Variants in RGS6 observed in about 807,000 individuals in gnomAD.
The protein encoded by RGS6 is regulator of G protein signaling 6.
A neutral mutation model predicts 78.5 loss-of-function variants in RGS6; 30 were observed. The ratio of observed to expected loss-of-function variants is 0.38; its 90% CI spans 0.29 to 0.52. The LOEUF (loss-of-function observed/expected upper bound fraction) is 0.52. Among genes scored for constraint, RGS6 ranks in the 20% least tolerant of loss-of-function variants. The probability of loss-of-function intolerance (pLI) is 0.85; values close to 1 mark genes in which losing one functional copy is unlikely to be tolerated. For missense variants in RGS6, 495 were observed against 609.7 expected, an observed-to-expected ratio of 0.81 and a Z score of 1.98; for synonymous variants, 206 against 206.0, an observed-to-expected ratio of 1.00 and a Z score of 0.00.
intron 2 of RGS6, among the ~76,000 whole-genome samples, chr14:72,090,497 G>A (rs2095231942): frequency 6.6e-6 from 1 of 152,166 alleles, no homozygotes; most frequent in Non-Finnish European, 1.5e-5. Flanking sequence ...CTGGTGGTCT[G>A]TCCCTGTCTC....
intron 2 of RGS6, among the ~76,000 whole-genome samples, chr14:72,313,546 T>C (rs1426494047): frequency 6.6e-6 from 1 of 152,232 alleles, no homozygotes; most frequent in African/African-American, 2.4e-5. Context: ...TCTCCCCTTA[T>C]GATCGTTCCT....
intron 3 of RGS6, among the ~76,000 whole-genome samples, chr14:72,447,909 G>A (rs1460111916): frequency 6.6e-6 from 1 of 152,058 alleles, no homozygotes; most frequent in African/African-American, 2.4e-5. Context: ...TCACCATGTT[G>A]GCCAGGCTGG....
In RGS6 at chr14:72,562,493, T is replaced by C. The variant is rs1417735390; in HGVS notation, c.*26T>C. 4 of 1,610,506 alleles carry C rather than the reference T, an allele frequency of 2.5e-6. No homozygotes were observed. In the African/African-American group the frequency reaches 4.0e-5, roughly 16 times the overall value. On this transcript the variant is annotated 3_prime_UTR_variant, in exon 18 of 18. Coordinates refer to ENST00000553525, the MANE Select transcript of RGS6 (RefSeq NM_001204424.2). ...CCGTTCCTACCGCAGGTCCAGGGCCTGGGCCCGCGGACCCCACAGGCAGGC... is the reference window on the plus strand; with the variant it reads ...CCGTTCCTACCGCAGGTCCAGGGCCCGGGCCCGCGGACCCCACAGGCAGGC...
intron 2 of RGS6, among the ~76,000 whole-genome samples, chr14:72,015,642 C>A (rs536359975): frequency 6.6e-6 from 1 of 152,164 alleles, no homozygotes; most frequent in African/African-American, 2.4e-5. Context: ...GGTTCTAGAA[C>A]GTGCACATTT....
chr14:72,177,872 C>A (rs545845068), intron 2 of RGS6, among the ~76,000 whole-genome samples: 1 of 152,222 alleles, frequency 6.6e-6, no homozygotes, highest in Non-Finnish European at 1.5e-5. Context: ...TCCACAACTA[C>A]ATGTCGAGAG....
chr14:72,044,623 C>A (rs2092689377), intron 2 of RGS6, among the ~76,000 whole-genome samples: 1 of 152,170 alleles, frequency 6.6e-6, no homozygotes, highest in Non-Finnish European at 1.5e-5. Context: ...GTAATCCCAG[C>A]ACTTTGGGAG....
At chr14:72,241,348 A>G (rs1485952622) in intron 2 of RGS6, among the ~76,000 whole-genome samples, 1 of 152,016 alleles carries the variant, frequency 6.6e-6, no homozygotes, top group Non-Finnish European at 1.5e-5. Context: ...AAATACTTTA[A>G]ATCCTTTTCT....
At chr14:71,906,490 G>A in the RGS6 span, among the ~76,000 whole-genome samples, 8 of 152,128 alleles carry the variant, frequency 5.3e-5, no homozygotes, top group South Asian at 2.1e-4. Context: ...AGGAGGGCCC[G>A]TTGCTGGTCT....
chr14:72,051,738 G>A (rs548265674), intron 2 of RGS6, among the ~76,000 whole-genome samples: 5 of 152,154 alleles, frequency 3.3e-5, no homozygotes, highest in Non-Finnish European at 1.5e-5. Flanking sequence ...TGAGATAAAT[G>A]TATTATCAGG....
intron 1 of RGS6, among the ~76,000 whole-genome samples, chr14:71,952,500 G>A (rs537312307): frequency 1.3e-4 from 20 of 151,842 alleles, no homozygotes; most frequent in Middle Eastern, 3.4e-3. Flanking sequence ...GGGTTGGACT[G>A]TTACAAGTTA....
intron 2 of RGS6, among the ~76,000 whole-genome samples, chr14:72,187,915 A>G (rs749401867): frequency 6.6e-6 from 1 of 152,144 alleles, no homozygotes; most frequent in Non-Finnish European, 1.5e-5. Context: ...TTCCCCATGC[A>G]TGTTTCTAGT....
intron 12 of RGS6, among the ~76,000 whole-genome samples, chr14:72,487,954 G>T (rs1017740207): frequency 6.6e-6 from 1 of 152,002 alleles, no homozygotes; most frequent in South Asian, 2.1e-4. Flanking sequence ...CGAGCACCCC[G>T]CTGACTAGGA....
chr14:71,905,768 C>A, the RGS6 span, among the ~76,000 whole-genome samples: 15 of 152,332 alleles, frequency 9.8e-5, no homozygotes, highest in East Asian at 2.9e-3. Flanking sequence ...AGGATACAGG[C>A]ATGAGCTACT....
chr14:72,487,944 C>T (rs2096519879), intron 12 of RGS6, among the ~76,000 whole-genome samples: 1 of 152,120 alleles, frequency 6.6e-6, no homozygotes. Flanking sequence ...CCAGCATCTC[C>T]GAGCACCCCG....
intron 2 of RGS6, among the ~76,000 whole-genome samples, chr14:72,239,148 G>A (rs914873551): frequency 6.6e-6 from 1 of 152,154 alleles, no homozygotes; most frequent in Non-Finnish European, 1.5e-5. Context: ...CAAGAGCCCC[G>A]TTTAACGGTG....
At chr14:71,998,463 C>T (rs1276464624) in intron 2 of RGS6, among the ~76,000 whole-genome samples, 1 of 152,216 alleles carries the variant, frequency 6.6e-6, no homozygotes, top group Admixed American at 6.5e-5. Context: ...GAGTACATCC[C>T]TGTAGCTGCC....
rs138282084 is a variant in RGS6 at position 72,167,081 on chromosome 14, C to T, written c.85-185014C>T. Among the ~76,000 whole-genome samples, 11 of 152,222 alleles carry T rather than the reference C, an allele frequency of 7.2e-5. No homozygotes were observed. The East Asian group carries it at 9.7e-4, about 13-fold the overall frequency. On this transcript the variant is annotated intron_variant, in intron 2 of 17. Coordinates refer to ENST00000553525, the MANE Select transcript of RGS6 (RefSeq NM_001204424.2). ...TTTTTTCATACCAGTTCCCTGCTTT[C>T]GAGTCTCTGATGAGGCTACGCTCAA...
chr14:71,932,920 A>G lies in RGS6; in HGVS notation c.-42A>G, dbSNP rs2088064118. 6.6e-6 allele frequency: 1 copy of G among 152,336 alleles called. No homozygotes were observed. The highest frequency in any genetic ancestry group is 2.4e-5 in the African/African-American group (1 of 41,484). The allele number at this position is 152,336 out of a possible 1,614,324, so 9.4% of individuals were successfully genotyped here. A position where few individuals can be genotyped will look rare whatever the true frequency, so the allele number is the denominator to read the frequency against. On this transcript the variant is annotated 5_prime_UTR_variant, in exon 1 of 18. Coordinates refer to ENST00000553525, the MANE Select transcript of RGS6 (RefSeq NM_001204424.2). ...AATTCTGGAGCCAGAGGGAGAGTCA[A>G]GGCAATTCTTTGGTTGCTAAGGTAA... is the stretch of plus-strand genomic sequence containing the variant.
At chr14:71,993,679 T>C (rs2095066454) in intron 2 of RGS6, among the ~76,000 whole-genome samples, 1 of 152,142 alleles carries the variant, frequency 6.6e-6, no homozygotes, top group Non-Finnish European at 1.5e-5. Context: ...TTATAGCCTT[T>C]AGGGTATATA....
Sources: allele counts gnomAD v4.1 joint callset (sites outside exome capture counted in the v4.1 genomes callset), GRCh38; gene constraint gnomAD v4.1.1; transcripts MANE v1.5; gene names NCBI Gene and HGNC (gene_info 2026-07-23, HGNC 2026-07-21).